RANBP2: variants seen among roughly 807,000 people sequenced by gnomAD.
RANBP2 encodes E3 SUMO-protein ligase RanBP2.
RANBP2 carries 57 observed loss-of-function variants against 303.6 expected under a neutral mutation model. The ratio of observed to expected loss-of-function variants is 0.19; its 90% confidence interval spans 0.15 to 0.23. The LOEUF (loss-of-function observed/expected upper bound fraction) is 0.23, where lower values mean the gene tolerates loss of function less well. Among genes scored for constraint, RANBP2 ranks in the 10% least tolerant of loss-of-function variants. The pLI, the probability that RANBP2 is intolerant of heterozygous loss-of-function variation, is 1.00. For synonymous variants in RANBP2, 1,167 were observed against 1,301.5 expected (o/e 0.90, Z 2.23); for missense variants, 3,138 against 3,780.8 (o/e 0.83, Z 4.46).
At chr2:109,334,607 C>T in the RANBP2 span, among the ~76,000 whole-genome samples, 5 of 152,112 alleles carry the variant, frequency 3.3e-5, no homozygotes, top group African/African-American at 4.8e-5. Context: ...GTGTCCACTG[C>T]GCTGATTCCA....
the RANBP2 span, among the ~76,000 whole-genome samples, chr2:109,467,222 CTGGAAAT>C: frequency 6.6e-6 from 1 of 152,220 alleles, no homozygotes; most frequent in Non-Finnish European, 1.5e-5. Flanking sequence ...CAGCCTCAGA[CTGGAAAT>C]GGCCCAGATG....
intron 26 of RANBP2, 126 bp downstream of exon 26, chr2:108,781,555 T>C: frequency 3.6e-6 from 3 of 831,738 alleles, no homozygotes; most frequent in Non-Finnish European, 5.7e-6. Context: ...ATGGAAGCTC[T>C]ATTTATTAGA....
the RANBP2 span, among the ~76,000 whole-genome samples, chr2:109,143,423 A>G: frequency 1.3e-5 from 2 of 152,130 alleles, no homozygotes; most frequent in Non-Finnish European, 2.9e-5. Context: ...AGCAACCCAG[A>G]TGTCCATCAC....
chr2:109,136,033 G>A, the RANBP2 span, among the ~76,000 whole-genome samples: 1 of 152,164 alleles, frequency 6.6e-6, no homozygotes, highest in Admixed American at 6.5e-5. Flanking sequence ...CTAGAATCAG[G>A]CTGCTTGCTG....
the RANBP2 span, among the ~76,000 whole-genome samples, chr2:109,055,527 A>ATTTTCTTTTCTTTTCTTTTCTTTTC: frequency 1.1e-3 from 164 of 151,218 alleles, 1 homozygote; most frequent in East Asian, 0.019. Context: ...TGTCCGGCTA[A>ATTTTCTTTTCTTTTCTTTTCTTTTC]TTTTCTTTTC....
chr2:109,255,070 A>G, the RANBP2 span, among the ~76,000 whole-genome samples: 21 of 152,306 alleles, frequency 1.4e-4, no homozygotes, highest in African/African-American at 4.6e-4. Flanking sequence ...CTAAGGCTAA[A>G]AGACACAAGG....
the RANBP2 span, among the ~76,000 whole-genome samples, chr2:109,094,322 G>A: frequency 8.5e-4 from 129 of 152,188 alleles, no homozygotes; most frequent in African/African-American, 2.7e-3. Flanking sequence ...TTGGGGATCC[G>A]GTATTATGTA....
chr2:109,568,188 G>C, the RANBP2 span, among the ~76,000 whole-genome samples: 3 of 151,978 alleles, frequency 2.0e-5, no homozygotes, highest in Non-Finnish European at 1.5e-5. Flanking sequence ...ACTGTCTACA[G>C]TTGCGTTCAC....
At chr2:109,075,437 G>T in the RANBP2 span, among the ~76,000 whole-genome samples, 3 of 150,500 alleles carry the variant, frequency 2.0e-5, no homozygotes, top group South Asian at 4.2e-4. Context: ...TGTTGGCCAG[G>T]CTGGTCTCGA....
chr2:109,100,688 C>T, the RANBP2 span, among the ~76,000 whole-genome samples: 1 of 151,620 alleles, frequency 6.6e-6, no homozygotes, highest in African/African-American at 2.4e-5. Flanking sequence ...GGAAGGACCT[C>T]ACAAATAAAT....
the RANBP2 span, among the ~76,000 whole-genome samples, chr2:109,493,904 T>C: frequency 6.6e-6 from 1 of 152,258 alleles, no homozygotes; most frequent in East Asian, 1.9e-4. Context: ...CCTTCTCTCC[T>C]CCTCCTCCAC....
At chr2:109,383,139 A>G in the RANBP2 span, among the ~76,000 whole-genome samples, 1 of 152,250 alleles carries the variant, frequency 6.6e-6, no homozygotes, top group Non-Finnish European at 1.5e-5. Context: ...GAGTGCTTGC[A>G]GCTTTTCAGG....
At chr2:109,033,637 C>G in the RANBP2 span, among the ~76,000 whole-genome samples, 1 of 152,132 alleles carries the variant, frequency 6.6e-6, no homozygotes, top group Non-Finnish European at 1.5e-5. Context: ...ATGTGTTGAT[C>G]TGGTGAGTTT....
At chr2:108,847,704 T>C in the RANBP2 span, among the ~76,000 whole-genome samples, 7 of 152,248 alleles carry the variant, frequency 4.6e-5, no homozygotes, top group Non-Finnish European at 1.0e-4. Flanking sequence ...CTTCCCTGTT[T>C]GTTAAATTTT....
chr2:109,074,174 C>A, the RANBP2 span, among the ~76,000 whole-genome samples: 10 of 150,850 alleles, frequency 6.6e-5, no homozygotes, highest in Middle Eastern at 3.4e-3. Context: ...TGAGACCAAC[C>A]TGGCCAACAT....
chr2:108,780,582 T>C (rs1678185680), intron 25 of RANBP2, among the ~76,000 whole-genome samples: 1 of 150,404 alleles, frequency 6.6e-6, no homozygotes, highest in Non-Finnish European at 1.5e-5. Context: ...CAGGCTGGAG[T>C]GCAGTGGGGC....
At chr2:109,611,806 G>A in the RANBP2 span, among the ~76,000 whole-genome samples, 1 of 152,090 alleles carries the variant, frequency 6.6e-6, no homozygotes, top group East Asian at 1.9e-4. Flanking sequence ...CTATAAGAAT[G>A]GCTAAATTAA....
the RANBP2 span, among the ~76,000 whole-genome samples, chr2:109,030,971 C>T: frequency 1.3e-4 from 20 of 152,144 alleles, no homozygotes; most frequent in African/African-American, 4.6e-4. Flanking sequence ...AGTACACAGA[C>T]TAACACAGTG....
At chr2:108,904,113 C>CAA in the RANBP2 span, among the ~76,000 whole-genome samples, 10 of 151,982 alleles carry the variant, frequency 6.6e-5, no homozygotes, top group East Asian at 1.9e-3. Flanking sequence ...CCTCAAAACT[C>CAA]AACAGCAAAA....
Sources: gnomAD v4.1 joint callset for allele counts (sites outside exome capture counted in the v4.1 genomes callset) on GRCh38, gnomAD v4.1.1 for gene constraint, MANE v1.5 for transcripts, NCBI Gene and HGNC (gene_info 2026-07-23, HGNC 2026-07-21) for gene names.